Variants in PRKCE observed in about 807,000 individuals in gnomAD.
PRKCE encodes the protein protein kinase C epsilon.
Under a neutral mutation model 85.4 loss-of-function variants are expected in PRKCE, and 16 were observed. The ratio of observed to expected loss-of-function variants is 0.19; its 90% CI spans 0.13 to 0.28. PRKCE has a LOEUF of 0.28. Among genes scored for constraint, PRKCE ranks in the 10% least tolerant of loss-of-function variants. The pLI is 1.00. For missense variants in PRKCE, 573 were observed against 975.2 expected (o/e 0.59, Z 5.49); for synonymous variants, 388 against 371.5 (o/e 1.04, Z -0.51).
chr2:45,655,346 T>G (rs1238528227), intron 1 of PRKCE, among the ~76,000 whole-genome samples: 2 of 140,936 alleles, frequency 1.4e-5, no homozygotes, highest in East Asian at 4.4e-4. Context: ...GTTATAAGTT[T>G]TTTTGCATTT....
intron 2 of PRKCE, among the ~76,000 whole-genome samples, chr2:45,972,731 T>C (rs571300420): frequency 1.3e-5 from 2 of 152,254 alleles, no homozygotes; most frequent in Admixed American, 1.3e-4. Flanking sequence ...CCTTTTTCCA[T>C]TGTATATTCT....
intron 1 of PRKCE, among the ~76,000 whole-genome samples, chr2:45,830,216 C>T (rs1173437485): frequency 6.6e-6 from 1 of 152,016 alleles, no homozygotes; most frequent in East Asian, 1.9e-4. Flanking sequence ...CTCTAATGGC[C>T]AGATCCCACC....
intron 1 of PRKCE, among the ~76,000 whole-genome samples, chr2:45,836,949 T>C (rs557197293): frequency 4.6e-5 from 7 of 152,226 alleles, no homozygotes; most frequent in Non-Finnish European, 8.8e-5. Context: ...ATTGGGCCTG[T>C]GTGACCTTTG....
At chr2:45,721,114 A>G (rs1218594600) in intron 1 of PRKCE, among the ~76,000 whole-genome samples, 3 of 152,152 alleles carry the variant, frequency 2.0e-5, no homozygotes, top group Non-Finnish European at 4.4e-5. Context: ...CTCAAAAAAC[A>G]AAACAAAACA....
chr2:45,796,344 C>G (rs757320734), intron 1 of PRKCE, among the ~76,000 whole-genome samples: 3 of 152,198 alleles, frequency 2.0e-5, no homozygotes, highest in Non-Finnish European at 2.9e-5. Context: ...CATTAATTTT[C>G]TCATGTGTCA....
chr2:45,949,315 C>T (rs1407048370), intron 2 of PRKCE, among the ~76,000 whole-genome samples: 2 of 150,682 alleles, frequency 1.3e-5, no homozygotes, highest in Non-Finnish European at 3.0e-5. Flanking sequence ...GATGTGGCAT[C>T]CCACTGTTTT....
chr2:45,847,262 C>T (rs1464279828), intron 2 of PRKCE, among the ~76,000 whole-genome samples: 1 of 152,224 alleles, frequency 6.6e-6, no homozygotes, highest in Non-Finnish European at 1.5e-5. Flanking sequence ...TTGTCAGAGC[C>T]TGGGCTTGTC....
chr2:45,697,593 T>C lies in PRKCE; in HGVS notation c.348+45145T>C, dbSNP rs1678261717. Among the ~76,000 whole-genome samples, 1 of 152,134 alleles carries C rather than the reference T, an allele frequency of 6.6e-6. No homozygotes were observed. Among genetic ancestry groups the C allele is most frequent in the African/African-American group, 2.4e-5 (1 of 41,434 alleles). On this transcript the variant is annotated intron_variant, in intron 1 of 14. Coordinates refer to ENST00000306156, the MANE Select transcript of PRKCE (RefSeq NM_005400.3). The surrounding 1 kb of genome is among the most constrained non-coding windows in gnomAD (Gnocchi z 4.2). ...TCTATGTGGGTGGCATCTCTAGCTC[T>C]TTCTTTTGTTCCGGCTCTGATTACC...
At position 45,743,393 on chromosome 2, in the gene PRKCE, A is replaced by T. The variant is rs188462679; in HGVS notation, c.348+90945A>T. 1.5e-3 allele frequency among the ~76,000 whole-genome samples: 224 copies of T among 152,276 alleles called. 1 individual carries two copies. Among genetic ancestry groups the T allele is most frequent in the Non-Finnish European group, 9.4e-4 (64 of 68,024 alleles). On this transcript the variant is annotated intron_variant, in intron 1 of 14. Coordinates refer to ENST00000306156, the MANE Select transcript of PRKCE (RefSeq NM_005400.3). ...TGAATGTAAACACTTTTTGTCAATT[A>T]TACCTCAATAAAGTTGAAGAAAAAT...
intron 1 of PRKCE, among the ~76,000 whole-genome samples, chr2:45,690,961 A>C (rs371648437): frequency 6.6e-6 from 1 of 152,250 alleles, no homozygotes; most frequent in East Asian, 1.9e-4. Context: ...TTTATTTTGG[A>C]AATAGTTTTA....
intron 1 of PRKCE, among the ~76,000 whole-genome samples, chr2:45,750,331 C>G (rs1255554357): frequency 2.0e-5 from 3 of 152,204 alleles, no homozygotes; most frequent in Admixed American, 6.5e-5. Flanking sequence ...CTTTCTCTCT[C>G]TCAGGATTTT....
In PRKCE at chr2:46,004,461, C is replaced by A. The variant is rs192174384; in HGVS notation, c.967-81C>A. 3 of 1,136,490 alleles carry A rather than the reference C, an allele frequency of 2.6e-6. No individual in the cohort carries two copies. The highest frequency in any genetic ancestry group is 3.1e-5 in the African/African-American group (2 of 65,014). 70.4% of individuals were successfully genotyped at this position (1,136,490 alleles called of 1,614,324 possible). On this transcript the variant is annotated intron_variant, in intron 7 of 14. Transcript: ENST00000306156. This position sits in a 1 kb window ranked among gnomAD's most constrained non-coding sequence, Gnocchi z 4.1. ...TCTGGGAACTCTCATGGCTCTTATACGGCATCTTGATGCTTTTGACATCAG... is the reference window on the plus strand; with the variant it reads ...TCTGGGAACTCTCATGGCTCTTATAAGGCATCTTGATGCTTTTGACATCAG...
chr2:45,711,856 C>T (rs867768945), intron 1 of PRKCE, among the ~76,000 whole-genome samples: 8 of 152,166 alleles, frequency 5.3e-5, no homozygotes, highest in South Asian at 4.1e-4. Context: ...ATCTCCTGAC[C>T]TCATGATCTG....
rs1187768219 is a variant in PRKCE, at chr2:45,895,711, A to G, written c.412+52648A>G. 6.6e-6 allele frequency among the ~76,000 whole-genome samples: 1 copy of G among 152,182 alleles called. No individual in the cohort carries two copies. Among genetic ancestry groups the G allele is most frequent in the African/African-American group, 2.4e-5 (1 of 41,440 alleles). On this transcript the variant is annotated intron_variant, in intron 2 of 14. Coordinates refer to ENST00000306156, the MANE Select transcript of PRKCE (RefSeq NM_005400.3). This position sits in a 1 kb window ranked among gnomAD's most constrained non-coding sequence, Gnocchi z 4.8. ...TTGTACGGAGCCCTTAATCTCTGCT[A>G]GGGGCTGGGGCAATCCAGTGGAAAA...
At chr2:45,838,073 G>A (rs1201288281) in intron 1 of PRKCE, among the ~76,000 whole-genome samples, 1 of 152,316 alleles carries the variant, frequency 6.6e-6, no homozygotes, top group East Asian at 1.9e-4. Flanking sequence ...ATTCACATGA[G>A]AGGCACTCTC....
chr2:45,969,739 CT>C (rs953676652), intron 2 of PRKCE, among the ~76,000 whole-genome samples: 1 of 152,214 alleles, frequency 6.6e-6, no homozygotes, highest in Admixed American at 6.5e-5. Context: ...TTAGAGAACA[CT>C]TTTTCAAATG....
At chr2:45,777,458 T>A (rs1433969079) in intron 1 of PRKCE, among the ~76,000 whole-genome samples, 2 of 151,916 alleles carry the variant, frequency 1.3e-5, no homozygotes, top group African/African-American at 4.8e-5. Flanking sequence ...GTATTGCCAA[T>A]GAAGGCAGTG....
intron 1 of PRKCE, among the ~76,000 whole-genome samples, chr2:45,801,610 T>A (rs957724283): frequency 7.2e-5 from 11 of 152,010 alleles, no homozygotes; most frequent in African/African-American, 2.7e-4. Flanking sequence ...ATGCTGGGAA[T>A]TTAGGATGAG....
intron 2 of PRKCE, among the ~76,000 whole-genome samples, chr2:45,879,104 G>C: frequency 6.6e-6 from 1 of 152,072 alleles, no homozygotes; most frequent in East Asian, 1.9e-4. Context: ...AAAGCACCCT[G>C]GCCCACCCTG....
Sources: gnomAD v4.1 joint callset for allele counts (sites outside exome capture counted in the v4.1 genomes callset) on GRCh38, gnomAD v4.1.1 for gene constraint, Gnocchi (gnomAD v3.1) non-coding constraint, MANE v1.5 for transcripts, NCBI Gene and HGNC (gene_info 2026-07-23, HGNC 2026-07-21) for gene names.